Variants in FANCC observed in about 807,000 individuals in gnomAD.
FANCC encodes the protein FA complementation group C.
In FANCC, 55 loss-of-function variants were observed where a neutral mutation model predicts 71.3. That is an observed-to-expected ratio of 0.77 (90% CI 0.62 to 0.97). FANCC has a LOEUF of 0.97. Among genes scored for constraint, FANCC ranks in the 50% least tolerant of loss-of-function variants. The pLI, the probability that FANCC is intolerant of heterozygous loss-of-function variation, is 0.00. For missense variants in FANCC, 678 were observed against 670.9 expected, an observed-to-expected ratio of 1.01 and a Z score of -0.12; for synonymous variants, 275 against 244.9, an observed-to-expected ratio of 1.12 and a Z score of -1.15.
chr9:95,128,832 A>C (rs1826414636), intron 8 of FANCC, among the ~76,000 whole-genome samples: 3 of 152,168 alleles, frequency 2.0e-5, no homozygotes, highest in Admixed American at 6.5e-5. Context: ...TTAGCTTTTA[A>C]AACAGGTAAG....
intron 1 of FANCC, chr9:95,292,756 G>A: frequency 7.1e-7 from 1 of 1,416,766 alleles, no homozygotes; most frequent in Non-Finnish European, 1.0e-6. Context: ...TGCCCCAGAG[G>A]CCCTGACAGA....
chr9:95,214,741 G>GT (rs1828745618), intron 4 of FANCC, among the ~76,000 whole-genome samples: 1 of 152,332 alleles, frequency 6.6e-6, no homozygotes, highest in Non-Finnish European at 1.5e-5. Context: ...GCTTAGTGGA[G>GT]TAAGTCAGAC....
At chr9:95,142,151 C>T (rs1588155584) in intron 7 of FANCC, among the ~76,000 whole-genome samples, 1 of 151,984 alleles carries the variant, frequency 6.6e-6, no homozygotes, top group African/African-American at 2.4e-5. Flanking sequence ...TGCCATCACA[C>T]CCAGCTAATT....
At chr9:95,238,598 C>T (rs552246746) in intron 4 of FANCC, among the ~76,000 whole-genome samples, 20 of 151,790 alleles carry the variant, frequency 1.3e-4, no homozygotes, top group African/African-American at 4.8e-4. Flanking sequence ...CAGAGTCTCG[C>T]TCTGTCACCC....
At position 95,114,696 on chromosome 9, in the gene FANCC, GT is replaced by G; in HGVS notation, c.1086del (p.His363ThrfsTer6). On this transcript the variant is annotated frameshift_variant, in exon 12 of 15. Coordinates refer to ENST00000289081, the MANE Select transcript of FANCC (RefSeq NM_000136.3). LOFTEE classifies it high-confidence loss of function. ...ATATGCTTCAGTGTCTGGAGCCAGT[GT>G]CCCCGAGGGATATCTGCGGGTGGAG... ...LLQDPQDIPR[G>X]HWLQTLKHIS... The G allele has an allele frequency of 1.9e-6, 3 of 1,614,138 alleles. No homozygotes were observed. Among genetic ancestry groups the G allele is most frequent in the Non-Finnish European group, 2.5e-6 (3 of 1,179,974 alleles).
At chr9:95,196,730 T>G (rs1236653339) in intron 4 of FANCC, among the ~76,000 whole-genome samples, 1 of 151,652 alleles carries the variant, frequency 6.6e-6, no homozygotes, top group African/African-American at 2.4e-5. Context: ...TCTGCTTCGG[T>G]TCACATTTAC....
In FANCC at chr9:95,199,061, GA is replaced by G. The variant is rs1369643574; in HGVS notation, c.346-26915del. On this transcript the variant is annotated intron_variant, in intron 4 of 14. Transcript: ENST00000289081. ...TTATATTGTAGTAAAGGCAATATATGAATTTTTTTTGAAAGAGTATTTTGAA... is the reference window on the plus strand; with the variant it reads ...TTATATTGTAGTAAAGGCAATATATGATTTTTTTTGAAAGAGTATTTTGAA... Among the ~76,000 whole-genome samples, 6 of 152,140 alleles carry G rather than the reference GA, an allele frequency of 3.9e-5. No individual in the cohort carries two copies. The East Asian group carries it at 1.2e-3, about 29-fold the overall frequency.
chr9:95,205,815 A>G (rs1828087696), intron 4 of FANCC, among the ~76,000 whole-genome samples: 1 of 152,226 alleles, frequency 6.6e-6, no homozygotes, highest in African/African-American at 2.4e-5. Flanking sequence ...TAGCAAGAAC[A>G]ACATTTTTGA....
At chr9:95,144,857 C>A (rs935482164) in intron 7 of FANCC, among the ~76,000 whole-genome samples, 1 of 152,164 alleles carries the variant, frequency 6.6e-6, no homozygotes, top group Non-Finnish European at 1.5e-5. Flanking sequence ...AGCGCCGCGC[C>A]GCACGTTCAC....
Position 95,107,184 on chromosome 9 carries a change from CCTG to C in FANCC, c.1412_1414del (p.Ala471del). 6.2e-7 allele frequency: 1 copy of C among 1,614,188 alleles called. No homozygotes were observed. Among genetic ancestry groups the C allele is most frequent in the Non-Finnish European group, 8.5e-7 (1 of 1,180,038 alleles). Reference sequence around the variant, plus strand: ...TCTGAGGTCTGTGTCTGTGCCCTGTCCTGCTACCGTCTGCAGGTCCTGGGCTGA... The same window carrying C: ...TCTGAGGTCTGTGTCTGTGCCCTGTCCTACCGTCTGCAGGTCCTGGGCTGA... On this transcript the variant is annotated inframe_deletion, in exon 14 of 15. Transcript: ENST00000289081.
intron 7 of FANCC, among the ~76,000 whole-genome samples, chr9:95,144,853 G>A (rs1051255933): frequency 6.6e-6 from 1 of 152,180 alleles, no homozygotes; most frequent in Non-Finnish European, 1.5e-5. Flanking sequence ...ATCGAGCGCC[G>A]CGCCGCACGT....
chr9:95,159,190 A>ACT (rs1007457445), intron 6 of FANCC, among the ~76,000 whole-genome samples: 1 of 151,572 alleles, frequency 6.6e-6, no homozygotes, highest in Non-Finnish European at 1.5e-5. Flanking sequence ...CTTGCCCCCC[A>ACT]CTCCACAACA....
At chr9:95,272,364 A>G (rs561477786) in intron 1 of FANCC, among the ~76,000 whole-genome samples, 17 of 152,222 alleles carry the variant, frequency 1.1e-4, no homozygotes, top group South Asian at 1.0e-3. Context: ...ATATTTTTCT[A>G]TTTGTAGAAA....
chr9:95,258,321 C>T lies in FANCC; in HGVS notation c.-78-8952G>A, dbSNP rs939573413. Among the ~76,000 whole-genome samples, 4 of 152,306 alleles carry T rather than the reference C, an allele frequency of 2.6e-5. No homozygotes were observed. The East Asian group carries it at 7.7e-4, about 29-fold the overall frequency. Reference sequence around the variant, plus strand: ...TACTGGCAAGCCAAATCCAGCAACACATCAAAAAGCTTATCCACCACAATC... The same window carrying T: ...TACTGGCAAGCCAAATCCAGCAACATATCAAAAAGCTTATCCACCACAATC... On this transcript the variant is annotated intron_variant, in intron 1 of 14. Coordinates refer to ENST00000289081, the MANE Select transcript of FANCC (RefSeq NM_000136.3).
Position 95,168,774 on chromosome 9 carries a change from C to T in FANCC, c.521+2305G>A, listed in dbSNP as rs901663485. 5.3e-5 allele frequency among the ~76,000 whole-genome samples: 8 copies of T among 152,196 alleles called. No homozygotes were observed. In the East Asian group the frequency reaches 1.2e-3, roughly 22 times the overall value. On this transcript the variant is annotated intron_variant, in intron 6 of 14. Transcript: ENST00000289081. ...GAACTCCTGAAATCGGGTGATCTAC[C>T]TACTTCAGCCTCCCAAAGTGCTGGG...
At chr9:95,187,141 C>G (rs898777537) in intron 4 of FANCC, among the ~76,000 whole-genome samples, 6 of 152,166 alleles carry the variant, frequency 3.9e-5, no homozygotes, top group Non-Finnish European at 8.8e-5. Context: ...GATGATAAAA[C>G]TGACTTTGAG....
In FANCC at chr9:95,142,177, G is replaced by C. The variant is rs34743482; in HGVS notation, c.687-6675C>G. Among the ~76,000 whole-genome samples the C allele has an allele frequency of 8.5e-4, 129 of 152,060 alleles. No homozygotes were observed. The East Asian group carries it at 9.3e-3, about 11-fold the overall frequency. On this transcript the variant is annotated intron_variant, in intron 7 of 14. Transcript: ENST00000289081. The stretch of plus-strand genomic sequence containing the variant: ...CCAGCTAATTTTTGTATTTTTAGTA[G>C]AGATGGGATTTTACCACGTTGGCCA...
At chr9:95,277,328 A>G (rs1387672740) in intron 1 of FANCC, among the ~76,000 whole-genome samples, 1 of 152,230 alleles carries the variant, frequency 6.6e-6, no homozygotes, top group East Asian at 1.9e-4. Context: ...GGTTAAACAT[A>G]ATGTATGCAT....
intron 6 of FANCC, among the ~76,000 whole-genome samples, chr9:95,157,397 C>A (rs1830510788): frequency 6.6e-6 from 1 of 152,196 alleles, no homozygotes; most frequent in South Asian, 2.1e-4. Flanking sequence ...GTCAACAATT[C>A]AGTGACAGAA....
Sources: allele counts gnomAD v4.1 joint callset (sites outside exome capture counted in the v4.1 genomes callset), GRCh38; gene constraint gnomAD v4.1.1; transcripts MANE v1.5; gene names NCBI Gene and HGNC (gene_info 2026-07-23, HGNC 2026-07-21).